Variants in BRAT1 observed in about 807,000 individuals in gnomAD.
BRAT1 encodes BRCA1 associated ATM activator 1.
In BRAT1, 74 loss-of-function variants were observed where a neutral mutation model predicts 70.6. The ratio of observed to expected loss-of-function variants is 1.05; its 90% CI spans 0.87 to 1.27. The LOEUF (loss-of-function observed/expected upper bound fraction) is 1.27, where lower values mean the gene tolerates loss of function less well. Among genes scored for constraint, BRAT1 ranks in the 50% most tolerant of loss-of-function variants. BRAT1 has a pLI of 0.00. For missense variants in BRAT1, 1,203 were observed against 1,098.2 expected, an observed-to-expected ratio of 1.10 and a Z score of -1.35; for synonymous variants, 615 against 517.1, an observed-to-expected ratio of 1.19 and a Z score of -2.57.
At chr7:2,541,967 T>C in intron 7 of BRAT1, 131 bp from the exon 8 acceptor site, 2 of 1,214,082 alleles carry the variant, frequency 1.6e-6, no homozygotes, top group Non-Finnish European at 2.3e-6. Context: ...CCAGGGGAGA[T>C]GGCCATGTCC....
chr7:2,545,473 C>T (rs563282400), intron 3 of BRAT1, among the ~76,000 whole-genome samples: 2 of 144,576 alleles, frequency 1.4e-5, no homozygotes, highest in South Asian at 4.6e-4. Context: ...GGTGGAGATA[C>T]TTCTGGAGGA....
At chr7:2,549,471 AAAG>A (rs1049104800) in intron 2 of BRAT1, among the ~76,000 whole-genome samples, 2 of 152,206 alleles carry the variant, frequency 1.3e-5, no homozygotes, top group African/African-American at 4.8e-5. Context: ...ACTTGTCTAA[AAAG>A]AAGAACATAA....
In BRAT1 at chr7:2,543,561, G is replaced by GC; in HGVS notation, c.803+28dup. On this transcript the variant is annotated intron_variant, in intron 5 of 13. Transcript: ENST00000340611. This position sits in a 1 kb window ranked among gnomAD's most constrained non-coding sequence, Gnocchi z 5.5. The stretch of plus-strand genomic sequence containing the variant: ...CCGAGGAAAACAGTTGCCCACCCAG[G>GC]CCCCCCAGCTGCGTCCCGGGGCCCT... 6.7e-7 allele frequency: 1 copy of GC among 1,501,702 alleles called. No individual in the cohort carries two copies. Among genetic ancestry groups the GC allele is most frequent in the Non-Finnish European group, 8.9e-7 (1 of 1,125,198 alleles). 93.0% of individuals were successfully genotyped at this position (1,501,702 alleles called of 1,614,324 possible). A position where few individuals can be genotyped will look rare whatever the true frequency, so the allele number is the denominator to read the frequency against.
chr7:2,543,669 G>C lies in BRAT1; in HGVS notation c.724C>G (p.Pro242Ala). The change falls in exon 5 of 14, where the codon CCC becomes GCC. Residue 242 changes from proline to alanine, a missense_variant. Coordinates refer to ENST00000340611, the MANE Select transcript of BRAT1 (RefSeq NM_152743.4). This position sits in a 1 kb window ranked among gnomAD's most constrained non-coding sequence, Gnocchi z 5.5. ...WTEALWVRLS[P>A]RVACLLERDP... ...CTCTCCAGCAGACAGGCCACGCGGG[G>C]ACTCAGCCGCACCCACAGGGCTTCC... 6.4e-7 allele frequency: 1 copy of C among 1,561,000 alleles called. No homozygotes were observed. The highest frequency in any genetic ancestry group is 8.7e-7 in the Non-Finnish European group (1 of 1,148,028).
intron 2 of BRAT1, among the ~76,000 whole-genome samples, chr7:2,552,769 C>T (rs769098550): frequency 2.7e-5 from 4 of 150,916 alleles, no homozygotes; most frequent in Middle Eastern, 6.8e-3. Context: ...GACGGAATCT[C>T]GCTCTGTCGC....
chr7:2,555,268 C>G (rs1780338962), intron 1 of BRAT1, among the ~76,000 whole-genome samples: 2 of 152,128 alleles, frequency 1.3e-5, no homozygotes, highest in African/African-American at 4.8e-5. Flanking sequence ...AAGAGGAACC[C>G]TCCCCACACT....
At chr7:2,539,690 C>T in intron 11 of BRAT1, 48 bp from the exon 12 acceptor site, 2 of 1,556,114 alleles carry the variant, frequency 1.3e-6, no homozygotes, top group African/African-American at 1.4e-5. Flanking sequence ...CCAGGCTCAC[C>T]CTGCCCTCAG....
intron 2 of BRAT1, among the ~76,000 whole-genome samples, chr7:2,549,529 A>G (rs1779847237): frequency 6.7e-6 from 1 of 149,302 alleles, no homozygotes; most frequent in Middle Eastern, 3.4e-3. Context: ...GATTTAAAAG[A>G]AAAAAAAAAG....
Position 2,539,407 on chromosome 7 carries a change from C to T in BRAT1, c.1598-56G>A, listed in dbSNP as rs75535462. The T allele has an allele frequency of 5.2e-3, 7,999 of 1,550,518 alleles. 376 individuals carry two copies. In the African/African-American group the frequency reaches 0.095, roughly 18 times the overall value. On this transcript the variant is annotated intron_variant, in intron 12 of 13. Transcript: ENST00000340611. ...GACTGAGGGCCGAGCCTTGTCGCCT[C>T]GGCCTCTGCCTCCATCCCCTTGTGG... is the stretch of plus-strand genomic sequence containing the variant.
intron 13 of BRAT1, 115 bp downstream of exon 13, chr7:2,539,048 ACTGCTGCAGGCGCTGC>A: frequency 6.9e-7 from 1 of 1,453,058 alleles, no homozygotes. Context: ...CTCGGCAGTC[ACTGCTGCAGGCGCTGC>A]CCACAGCAGC....
At chr7:2,544,260 T>C (rs1779431284) in intron 4 of BRAT1, 1 of 247,834 alleles carries the variant, frequency 4.0e-6, no homozygotes, top group Non-Finnish European at 7.3e-6. Context: ...TGGAGTACAA[T>C]GGTGCGATCT....
intron 10 of BRAT1, chr7:2,540,665 C>T: frequency 3.1e-6 from 1 of 320,716 alleles, no homozygotes; most frequent in Non-Finnish European, 5.7e-6. Flanking sequence ...CTTAGGAGAA[C>T]CCAAAGCCCA....
At position 2,538,529 on chromosome 7, in the gene BRAT1, G is replaced by A. The variant is rs570576002; in HGVS notation, c.2006C>T (p.Pro669Leu). 169 of 1,605,930 alleles carry A rather than the reference G, an allele frequency of 1.1e-4. 5 individuals are homozygous for A. The South Asian group carries it at 1.6e-3, about 16-fold the overall frequency. ...CACGGCATAGGGGCAGTGGGTACGC[G>A]GCGGCCCCAAAGTCTGGCCCAGGAA... ...LVFLGQTLGPPRTHCPYAVAL... is the reference protein window; with the variant it reads ...LVFLGQTLGPLRTHCPYAVAL... Residue 669 changes from proline to leucine, a missense_variant, in exon 14 of 14, where the codon CCG becomes CTG. By Grantham distance (98) the Pro-to-Leu change is moderately conservative. Coordinates refer to ENST00000340611, the MANE Select transcript of BRAT1 (RefSeq NM_152743.4).
At chr7:2,539,764 C>A in intron 11 of BRAT1, 22 bp downstream of exon 11, 2 of 1,600,034 alleles carry the variant, frequency 1.2e-6, no homozygotes, top group Non-Finnish European at 1.7e-6. Flanking sequence ...GCTCCGTTCA[C>A]CCCTGCAAGG....
chr7:2,547,601 A>T, intron 2 of BRAT1, 123 bp from the exon 3 acceptor site: 1 of 1,033,836 alleles, frequency 9.7e-7, no homozygotes, highest in Non-Finnish European at 1.4e-6. Context: ...TTAGGGATCC[A>T]ACTGGGAAAA....
intron 2 of BRAT1, among the ~76,000 whole-genome samples, chr7:2,547,704 A>T (rs1779718320): frequency 6.6e-6 from 1 of 152,244 alleles, no homozygotes; most frequent in Non-Finnish European, 1.5e-5. Context: ...AAGGCGGAAC[A>T]CTGTCACCTT....
intron 2 of BRAT1, among the ~76,000 whole-genome samples, chr7:2,550,467 C>CAAAAAAAAAAAAAAAAAA (rs71550358): frequency 6.1e-5 from 2 of 32,674 alleles, no homozygotes; most frequent in Non-Finnish European, 1.1e-4. Context: ...GACTCCATCT[C>CAAAAAAAAAAAAAAAAAA]AAAAAAAAAA....
At position 2,543,164 on chromosome 7, in the gene BRAT1, C is replaced by G. The variant is rs562685296; in HGVS notation, c.923+40G>C. ...TCAACCTCCCTGCCTGCCCCAGCTC[C>G]CAGCACCCGCCTCGGAATGAAATGC... On this transcript the variant is annotated intron_variant, in intron 6 of 13. Coordinates refer to ENST00000340611, the MANE Select transcript of BRAT1 (RefSeq NM_152743.4). The surrounding 1 kb of genome is among the most constrained non-coding windows in gnomAD (Gnocchi z 5.5). 4 of 1,520,120 alleles carry G rather than the reference C, an allele frequency of 2.6e-6. No individual in the cohort carries two copies. The South Asian group carries it at 5.1e-5, about 19-fold the overall frequency. 94.2% of individuals were successfully genotyped at this position (1,520,120 alleles called of 1,614,324 possible).
Position 2,539,205 on chromosome 7 carries a change from T to C in BRAT1, c.1744A>G (p.Ser582Gly). 6.2e-7 allele frequency: 1 copy of C among 1,609,428 alleles called. No individual in the cohort carries two copies. The change falls in exon 13 of 14, where the codon AGC becomes GGC. Residue 582 changes from serine to glycine, a missense_variant. Ser to Gly is a moderately conservative substitution (Grantham distance 56, BLOSUM62 0). Coordinates refer to ENST00000340611, the MANE Select transcript of BRAT1 (RefSeq NM_152743.4). ...LSSQGLHAPTSPEHAEARQSL... is the reference protein window; with the variant it reads ...LSSQGLHAPTGPEHAEARQSL... ...TGCCGGGCCTCTGCATGCTCAGGGC[T>C]GGTGGGGGCGTGCAGGCCCTGGCTG...
Sources: allele counts gnomAD v4.1 joint callset (sites outside exome capture counted in the v4.1 genomes callset), GRCh38; gene constraint gnomAD v4.1.1; non-coding constraint Gnocchi (gnomAD v3.1); transcripts MANE v1.5; gene names NCBI Gene and HGNC (gene_info 2026-07-23, HGNC 2026-07-21).